SRC: variants seen among roughly 807,000 people sequenced by gnomAD.
SRC encodes proto-oncogene tyrosine-protein kinase Src.
Under a neutral mutation model 62.9 loss-of-function variants are expected in SRC, and 13 were observed. That is an observed-to-expected ratio of 0.21 (90% CI 0.13 to 0.33). The LOEUF (loss-of-function observed/expected upper bound fraction) is 0.33. SRC is among the 10% of genes least tolerant of loss of function. SRC has a pLI of 1.00. For synonymous variants in SRC, 302 were observed against 317.5 expected (o/e 0.95, Z 0.52); for missense variants, 457 against 737.3 (o/e 0.62, Z 4.40).
intron 5 of SRC, among the ~76,000 whole-genome samples, chr20:37,388,852 G>T (rs73299322): frequency 0.037 from 5,700 of 152,136 alleles, 331 homozygotes; most frequent in African/African-American, 0.12. Context: ...ATGGGCCACC[G>T]GAATTTAAGG....
At chr20:37,392,205 A>C (rs2070562751) in intron 5 of SRC, among the ~76,000 whole-genome samples, 2 of 152,044 alleles carry the variant, frequency 1.3e-5, no homozygotes, top group African/African-American at 4.8e-5. Context: ...ACACAGCCCC[A>C]GTCACACCCC....
chr20:37,350,153 CACCCCTTATCTCCGTGGGAA>C (rs1197602521), intron 1 of SRC, among the ~76,000 whole-genome samples: 1 of 152,224 alleles, frequency 6.6e-6, no homozygotes, highest in Non-Finnish European at 1.5e-5. Context: ...CCATGGCCCC[CACCCCTTATCTCCGTGGGAA>C]ACCCCTCTGG....
intron 2 of SRC, among the ~76,000 whole-genome samples, chr20:37,375,904 T>C (rs898709427): frequency 9.9e-5 from 15 of 152,228 alleles, no homozygotes; most frequent in African/African-American, 3.4e-4. Flanking sequence ...GCCACCTTCT[T>C]AATGTGTCCT....
At chr20:37,373,585 C>T (rs80047195) in intron 2 of SRC, among the ~76,000 whole-genome samples, 8,721 of 152,290 alleles carry the variant, frequency 0.057, 318 homozygotes, top group Non-Finnish European at 0.061. Flanking sequence ...GTTGGGATTA[C>T]AGGCGTAAGC....
rs367543239 is a variant in SRC, at chr20:37,384,238, G to T, written c.85G>T (p.Gly29Trp). The T allele has an allele frequency of 6.4e-7, 1 of 1,571,990 alleles. No individual in the cohort carries two copies. Among genetic ancestry groups the T allele is most frequent in the African/African-American group, 1.4e-5 (1 of 71,322 alleles). The change falls in exon 4 of 14, where the codon GGG becomes TGG. Residue 29 changes from glycine to tryptophan, a missense_variant. Gly to Trp is a radical substitution (Grantham distance 184). Transcript: ENST00000373578. This position sits in a 1 kb window ranked among gnomAD's most constrained non-coding sequence, Gnocchi z 6.7. ...EPAENVHGAGGGAFPASQTPS... is the reference protein window; with the variant it reads ...EPAENVHGAGWGAFPASQTPS... ...CGCCGAGAACGTGCACGGCGCTGGC[G>T]GGGGCGCTTTCCCCGCCTCGCAGAC...
At position 37,405,179 on chromosome 20, in the gene SRC, A is replaced by T. The variant is rs1180040333; in HGVS notation, c.*1800A>T. The stretch of plus-strand genomic sequence containing the variant: ...CTCACTCACCCCAGCGAGCTCTCAA[A>T]TCCCTCTCCAACTGCCTAAGGCCCT... On this transcript the variant is annotated 3_prime_UTR_variant, in exon 14 of 14. Transcript: ENST00000373578. 5 of 229,934 alleles carry T rather than the reference A, an allele frequency of 2.2e-5. No individual in the cohort carries two copies. Among genetic ancestry groups the T allele is most frequent in the Non-Finnish European group, 4.3e-5 (5 of 116,246 alleles). The allele number at this position is 229,934 out of a possible 1,614,324, so 14.2% of individuals were successfully genotyped here.
chr20:37,398,764 A>G lies in SRC; in HGVS notation c.859+910A>G, dbSNP rs2070696561. On this transcript the variant is annotated intron_variant, in intron 9 of 13. Transcript: ENST00000373578. This position sits in a 1 kb window ranked among gnomAD's most constrained non-coding sequence, Gnocchi z 5.2. ...CCTGGGTGAATGCACAGCGTCAGCC[A>G]TTATGGTGGCTGCAAAACTCATTTC... Among the ~76,000 whole-genome samples, 1 of 152,212 alleles carries G rather than the reference A, an allele frequency of 6.6e-6. No individual in the cohort carries two copies. Among genetic ancestry groups the G allele is most frequent in the South Asian group, 2.1e-4 (1 of 4,826 alleles).
At position 37,348,486 on chromosome 20, in the gene SRC, G is replaced by C. The variant is rs547561542; in HGVS notation, c.-247+2231G>C. On this transcript the variant is annotated intron_variant, in intron 1 of 13. Transcript: ENST00000373578. ...GCTGCGTACCAGGAACTTGGAACTC[G>C]GGCTGAGCAGTATTGTGCTGGGGTT... is the stretch of plus-strand genomic sequence containing the variant. Among the ~76,000 whole-genome samples, 5 of 152,296 alleles carry C rather than the reference G, an allele frequency of 3.3e-5. No homozygotes were observed. In the East Asian group the frequency reaches 5.8e-4, roughly 18 times the overall value.
intron 2 of SRC, among the ~76,000 whole-genome samples, chr20:37,365,956 C>A (rs985888140): frequency 2.6e-5 from 4 of 151,768 alleles, no homozygotes; most frequent in African/African-American, 9.7e-5. Context: ...TGACTTTTTT[C>A]TCTTGACAGT....
At position 37,402,391 on chromosome 20, in the gene SRC, G is replaced by C; in HGVS notation, c.1117-44G>C. 1 of 1,598,078 alleles carries C rather than the reference G, an allele frequency of 6.3e-7. No homozygotes were observed. Among genetic ancestry groups the C allele is most frequent in the East Asian group, 2.2e-5 (1 of 44,598 alleles). On this transcript the variant is annotated intron_variant, in intron 11 of 13. Transcript: ENST00000373578. This position sits in a 1 kb window ranked among gnomAD's most constrained non-coding sequence, Gnocchi z 6.2. Reference sequence around the variant, plus strand: ...CAGAGTGCTCTGTGGCCCTGGGAGGGCATGGGTGGCACCTGAGCCAGGCTC... The same window carrying C: ...CAGAGTGCTCTGTGGCCCTGGGAGGCCATGGGTGGCACCTGAGCCAGGCTC...
chr20:37,400,258 G>A lies in SRC; in HGVS notation c.1003G>A (p.Glu335Lys). The stretch of plus-strand genomic sequence containing the variant: ...GCAGTTGTATGCTGTGGTTTCAGAG[G>A]AGCCCATTTACATCGTCACGGAGTA... Reference protein sequence around the residue: ...LVQLYAVVSEEPIYIVTEYMS... With the variant: ...LVQLYAVVSEKPIYIVTEYMS... The change falls in exon 10 of 14, where the codon GAG (glutamate) becomes AAG (lysine). Residue 335 changes from glutamate (E) to lysine (K), a missense_variant. By Grantham distance (56) the Glu-to-Lys change is moderately conservative. This residue lies in a region of SRC where 168 missense variants were observed against 357.8 expected (regional missense o/e 0.47). Transcript: ENST00000373578. 2 of 1,613,790 alleles carry A rather than the reference G, an allele frequency of 1.2e-6. No homozygotes were observed. Among genetic ancestry groups the A allele is most frequent in the Non-Finnish European group, 1.7e-6 (2 of 1,179,810 alleles).
At position 37,398,749 on chromosome 20, in the gene SRC, T is replaced by G. The variant is rs2070696343; in HGVS notation, c.859+895T>G. Reference sequence around the variant, plus strand: ...AGGACTTGAGCAACACCTGGGTGAATGCACAGCGTCAGCCATTATGGTGGC... The same window carrying G: ...AGGACTTGAGCAACACCTGGGTGAAGGCACAGCGTCAGCCATTATGGTGGC... On this transcript the variant is annotated intron_variant, in intron 9 of 13. Transcript: ENST00000373578. The surrounding 1 kb of genome is among the most constrained non-coding windows in gnomAD (Gnocchi z 5.2). Among the ~76,000 whole-genome samples, 2 of 152,196 alleles carry G rather than the reference T, an allele frequency of 1.3e-5. No individual in the cohort carries two copies. Among genetic ancestry groups the G allele is most frequent in the South Asian group, 4.1e-4 (2 of 4,826 alleles).
In SRC at chr20:37,384,237, C is replaced by T. The variant is rs2147049683; in HGVS notation, c.84C>T (p.Gly28=). 1 of 1,572,020 alleles carries T rather than the reference C, an allele frequency of 6.4e-7. No individual in the cohort carries two copies. ...LEPAENVHGA[G]GGAFPASQTP... is the part of the protein sequence containing the mutation. ...CCGCCGAGAACGTGCACGGCGCTGGCGGGGGCGCTTTCCCCGCCTCGCAGA... is the reference window on the plus strand; with the variant it reads ...CCGCCGAGAACGTGCACGGCGCTGGTGGGGGCGCTTTCCCCGCCTCGCAGA... Residue 28 remains glycine, a synonymous_variant, in exon 4 of 14, where the codon GGC becomes GGT. Coordinates refer to ENST00000373578, the MANE Select transcript of SRC (RefSeq NM_198291.3). This position sits in a 1 kb window ranked among gnomAD's most constrained non-coding sequence, Gnocchi z 6.7.
chr20:37,391,123 T>C (rs544935437), intron 5 of SRC, among the ~76,000 whole-genome samples: 21 of 152,122 alleles, frequency 1.4e-4, no homozygotes, highest in Non-Finnish European at 2.8e-4. Flanking sequence ...AGCCTTCCAC[T>C]CTGGGTGGCT....
chr20:37,388,020 A>T (rs902930553), intron 5 of SRC, among the ~76,000 whole-genome samples: 2 of 152,158 alleles, frequency 1.3e-5, no homozygotes, highest in African/African-American at 4.8e-5. Context: ...CCGACCCATG[A>T]TCCTTTCAGG....
Position 37,396,280 on chromosome 20 carries a change from C to T in SRC, c.672C>T (p.Asn224=), listed in dbSNP as rs1349919548. The change falls in exon 8 of 14, where the codon AAC becomes AAT. Residue 224 remains asparagine (N), a synonymous_variant. Coordinates refer to ENST00000373578, the MANE Select transcript of SRC (RefSeq NM_198291.3). This position sits in a 1 kb window ranked among gnomAD's most constrained non-coding sequence, Gnocchi z 6.1. ...GFYITSRTQF[N]SLQQLVAYYS... ...ACATCACCTCCCGCACCCAGTTCAA[C>T]AGCCTGCAGCAGCTGGTGGCCTACT... 4 of 1,613,852 alleles carry T rather than the reference C, an allele frequency of 2.5e-6. No homozygotes were observed. The Admixed American group carries it at 5.0e-5, about 20-fold the overall frequency.
intron 5 of SRC, among the ~76,000 whole-genome samples, chr20:37,388,842 A>G (rs962484254): frequency 1.1e-4 from 16 of 151,944 alleles, no homozygotes; most frequent in African/African-American, 3.6e-4. Flanking sequence ...TTGGTAGGAG[A>G]TGGGCCACCG....
At chr20:37,361,613 G>A (rs1032571982) in intron 1 of SRC, among the ~76,000 whole-genome samples, 4 of 152,260 alleles carry the variant, frequency 2.6e-5, no homozygotes, top group Middle Eastern at 3.2e-3. Flanking sequence ...GGCAGGGGCC[G>A]GCTGGCGGCC....
Position 37,404,590 on chromosome 20 carries a change from G to A in SRC, c.*1211G>A, listed in dbSNP as rs572329018. 8.6e-6 allele frequency: 2 copies of A among 233,644 alleles called. No individual in the cohort carries two copies. Among genetic ancestry groups the A allele is most frequent in the Admixed American group, 5.6e-5 (1 of 17,790 alleles). The allele number at this position is 233,644 out of a possible 1,614,324, so 14.5% of individuals were successfully genotyped here. On this transcript the variant is annotated 3_prime_UTR_variant, in exon 14 of 14. Coordinates refer to ENST00000373578, the MANE Select transcript of SRC (RefSeq NM_198291.3). ...CCTAAGCGGGGGTGAAAGAGGACGT[G>A]TTACCCACTGCCATGCACCAGGACT...
Sources: gnomAD v4.1 joint callset for allele counts (sites outside exome capture counted in the v4.1 genomes callset) on GRCh38, gnomAD v4.1.1 for gene constraint, gnomAD v4.1.1 regional missense constraint, Gnocchi (gnomAD v3.1) non-coding constraint, MANE v1.5 for transcripts, NCBI Gene and HGNC (gene_info 2026-07-23, HGNC 2026-07-21) for gene names.